RBFOX1: variants seen among roughly 807,000 people sequenced by gnomAD.
RBFOX1 encodes RNA binding protein fox-1 homolog 1.
In RBFOX1, 8 loss-of-function variants were observed where a neutral mutation model predicts 57.7. That is an observed-to-expected ratio of 0.14 (90% CI 0.08 to 0.25). The LOEUF (loss-of-function observed/expected upper bound fraction) is 0.25. Among genes scored for constraint, RBFOX1 ranks in the 10% least tolerant of loss-of-function variants. The pLI is 1.00. For missense variants in RBFOX1, 611 were observed against 548.5 expected (o/e 1.11, Z -1.14); for synonymous variants, 326 against 222.4 (o/e 1.47, Z -4.15).
intron 2 of RBFOX1, among the ~76,000 whole-genome samples, chr16:5,492,012 A>C (rs2042849764): frequency 6.6e-6 from 1 of 152,098 alleles, no homozygotes; most frequent in Admixed American, 6.6e-5. Context: ...AGAATTACAG[A>C]GTGTGGGCCC....
chr16:5,356,215 C>T (rs2065384327), intron 1 of RBFOX1, among the ~76,000 whole-genome samples: 1 of 152,138 alleles, frequency 6.6e-6, no homozygotes. Flanking sequence ...TTGGCAGCCA[C>T]CAGGAGCCAG....
intron 3 of RBFOX1, among the ~76,000 whole-genome samples, chr16:6,850,563 A>G (rs1018698881): frequency 9.2e-5 from 14 of 152,162 alleles, no homozygotes; most frequent in African/African-American, 2.9e-4. Context: ...CACAGCTAAG[A>G]TTATATCCCT....
intron 13 of RBFOX1, among the ~76,000 whole-genome samples, chr16:7,670,652 AG>A (rs571399301): frequency 3.4e-4 from 52 of 152,318 alleles, no homozygotes; most frequent in African/African-American, 1.2e-3. Context: ...TCGCTCCGTA[AG>A]CTTAGACTTT....
intron 1 of RBFOX1, among the ~76,000 whole-genome samples, chr16:6,192,460 C>T (rs1009377461): frequency 4.6e-5 from 7 of 152,040 alleles, no homozygotes; most frequent in African/African-American, 1.7e-4. Context: ...CTTCTTCCTT[C>T]CCTCTCCATT....
At chr16:6,051,096 A>C (rs1478281585) in intron 1 of RBFOX1, among the ~76,000 whole-genome samples, 1 of 150,964 alleles carries the variant, frequency 6.6e-6, no homozygotes, top group African/African-American at 2.4e-5. Context: ...GTACAAAAGT[A>C]ATTGCAGTTT....
At chr16:5,410,994 C>G (rs1873002952) in intron 1 of RBFOX1, among the ~76,000 whole-genome samples, 1 of 152,218 alleles carries the variant, frequency 6.6e-6, no homozygotes, top group African/African-American at 2.4e-5. Flanking sequence ...CGGGCCAACA[C>G]AACAAAGTGC....
At chr16:5,832,621 C>G (rs376212889) in intron 3 of RBFOX1, among the ~76,000 whole-genome samples, 1 of 152,178 alleles carries the variant, frequency 6.6e-6, no homozygotes, top group Non-Finnish European at 1.5e-5. Context: ...TGATGTCTCT[C>G]CCAAGAGCCT....
chr16:7,224,809 G>A (rs2092989240), intron 4 of RBFOX1, among the ~76,000 whole-genome samples: 1 of 152,148 alleles, frequency 6.6e-6, no homozygotes, highest in Non-Finnish European at 1.5e-5. Context: ...GCCTCACTTG[G>A]TAACTGTTAG....
At chr16:6,836,927 A>G (rs2093141915) in intron 3 of RBFOX1, among the ~76,000 whole-genome samples, 1 of 152,200 alleles carries the variant, frequency 6.6e-6, no homozygotes, top group Admixed American at 6.5e-5. Context: ...AGTGTGACAC[A>G]CATTACTTCC....
chr16:7,072,138 T>C (rs1202734777), intron 4 of RBFOX1, among the ~76,000 whole-genome samples: 1 of 152,228 alleles, frequency 6.6e-6, no homozygotes, highest in Non-Finnish European at 1.5e-5. Context: ...GGAACAATAG[T>C]AGTTACAACT....
At chr16:7,566,224 C>G (rs2091656872) in intron 5 of RBFOX1, among the ~76,000 whole-genome samples, 5 of 152,096 alleles carry the variant, frequency 3.3e-5, no homozygotes, top group Admixed American at 6.6e-5. Context: ...ACCCAGGACT[C>G]TAGTAGTTCA....
At chr16:6,278,097 A>G (rs57469692) in intron 1 of RBFOX1, among the ~76,000 whole-genome samples, 2,100 of 152,200 alleles carry the variant, frequency 0.014, 53 homozygotes, top group African/African-American at 0.048. Context: ...TTTATGCCAT[A>G]TAAATGGGGC....
intron 4 of RBFOX1, among the ~76,000 whole-genome samples, chr16:7,196,853 G>A (rs1028542287): frequency 2.0e-5 from 3 of 152,128 alleles, no homozygotes; most frequent in Non-Finnish European, 4.4e-5. Context: ...CATGTGCAAA[G>A]GGAAAAGGAA....
In RBFOX1 at chr16:5,758,628, A is replaced by G. The variant is rs145718081; in HGVS notation, c.319-108675A>G. 3.1e-3 allele frequency among the ~76,000 whole-genome samples: 479 copies of G among 152,278 alleles called. 4 individuals carry two copies. Among genetic ancestry groups the G allele is most frequent in the Middle Eastern group, 0.017 (5 of 294 alleles). ...GAAACTGGAAAGGTACAAAATTAAG[A>G]CCTCAGAATAGGAAAGCTTCTATGA... On this transcript the variant is annotated intron_variant, in intron 3 of 19. Coordinates refer to the RBFOX1 transcript ENST00000641259.
chr16:6,041,951 G>T (rs541179818), intron 1 of RBFOX1, among the ~76,000 whole-genome samples: 31 of 152,160 alleles, frequency 2.0e-4, no homozygotes, highest in Non-Finnish European at 4.4e-4. Flanking sequence ...TTACCTTCTG[G>T]AGGCCCTAGG....
At chr16:5,363,252 C>T (rs1481847202) in intron 1 of RBFOX1, among the ~76,000 whole-genome samples, 1 of 148,944 alleles carries the variant, frequency 6.7e-6, no homozygotes. Context: ...GCCATGTTGG[C>T]AAGGCCGGTC....
chr16:7,082,987 A>G (rs963823333), intron 4 of RBFOX1, among the ~76,000 whole-genome samples: 2 of 152,110 alleles, frequency 1.3e-5, no homozygotes, highest in Non-Finnish European at 2.9e-5. Flanking sequence ...ATGGAAAAAA[A>G]TGGTTTTGAA....
chr16:6,851,197 A>G (rs550324600), intron 3 of RBFOX1, among the ~76,000 whole-genome samples: 3 of 152,348 alleles, frequency 2.0e-5, no homozygotes, highest in South Asian at 4.1e-4. Flanking sequence ...TACATACAAA[A>G]TGATACCGTG....
chr16:6,968,461 G>A (rs377187179), intron 3 of RBFOX1, among the ~76,000 whole-genome samples: 8 of 152,012 alleles, frequency 5.3e-5, no homozygotes, highest in Admixed American at 2.0e-4. Flanking sequence ...GACGCTATCC[G>A]GACCGAAAAA....
Sources: gnomAD v4.1 joint callset for allele counts (sites outside exome capture counted in the v4.1 genomes callset) on GRCh38, gnomAD v4.1.1 for gene constraint, MANE v1.5 for transcripts, NCBI Gene and HGNC (gene_info 2026-07-23, HGNC 2026-07-21) for gene names.